SLC1A1: variants seen among roughly 807,000 people sequenced by gnomAD.
The protein encoded by SLC1A1 is solute carrier family 1 member 1.
In SLC1A1, 43 loss-of-function variants were observed where a neutral mutation model predicts 53.3. The observed-to-expected ratio is 0.81, with a 90% CI of 0.63 to 1.04. The LOEUF (loss-of-function observed/expected upper bound fraction) is 1.04. Among genes scored for constraint, SLC1A1 ranks in the 50% least tolerant of loss-of-function variants. The pLI is 0.00. For missense variants in SLC1A1, 748 were observed against 664.9 expected, an observed-to-expected ratio of 1.12 and a Z score of -1.37; for synonymous variants, 307 against 243.2, an observed-to-expected ratio of 1.26 and a Z score of -2.44.
At chr9:4,538,558 C>T (rs1412644841) in intron 1 of SLC1A1, among the ~76,000 whole-genome samples, 1 of 152,158 alleles carries the variant, frequency 6.6e-6, no homozygotes, top group Non-Finnish European at 1.5e-5. Context: ...AGAAACAATA[C>T]AACCTTGGAT....
chr9:4,584,197 T>C (rs1821379298), intron 11 of SLC1A1, among the ~76,000 whole-genome samples: 1 of 152,218 alleles, frequency 6.6e-6, no homozygotes, highest in African/African-American at 2.4e-5. Context: ...CCTATTGGGC[T>C]TGAAAACACA....
chr9:4,562,065 CTT>C (rs745615028), intron 3 of SLC1A1, among the ~76,000 whole-genome samples: 1,272 of 94,220 alleles, frequency 0.014, 30 homozygotes, highest in African/African-American at 0.043. Flanking sequence ...GCCCTAACTA[CTT>C]TTTTTTTTTT....
intron 5 of SLC1A1, among the ~76,000 whole-genome samples, chr9:4,567,353 C>G (rs3780413): frequency 0.58 from 88,411 of 152,100 alleles, 27,913 homozygotes; most frequent in East Asian, 0.73. Context: ...CTGTCTCTGA[C>G]AGCACCTGCA....
In SLC1A1 at chr9:4,549,333, G is replaced by A. The variant is rs748685028; in HGVS notation, c.232+4626G>A. On this transcript the variant is annotated intron_variant, in intron 2 of 11. Transcript: ENST00000262352. The surrounding 1 kb of genome is among the most constrained non-coding windows in gnomAD (Gnocchi z 4.1). ...CTACCCCGGTGACCTAAGGAGTTCC[G>A]CTCTTTGCTCCTCCATCCTAAGACA... Among the ~76,000 whole-genome samples the A allele has an allele frequency of 6.6e-6, 1 of 152,092 alleles. No homozygotes were observed. Among genetic ancestry groups the A allele is most frequent in the Non-Finnish European group, 1.5e-5 (1 of 68,018 alleles).
chr9:4,491,406 C>T (rs576228425), intron 1 of SLC1A1, among the ~76,000 whole-genome samples: 2 of 152,214 alleles, frequency 1.3e-5, no homozygotes, highest in African/African-American at 4.8e-5. Context: ...CTGTGGCCCG[C>T]GGGAGGTCAC....
At chr9:4,517,874 C>G (rs949384719) in intron 1 of SLC1A1, among the ~76,000 whole-genome samples, 1 of 152,050 alleles carries the variant, frequency 6.6e-6, no homozygotes, top group Non-Finnish European at 1.5e-5. Context: ...TAGCCTTGTA[C>G]GTTTGCAGTC....
chr9:4,574,053 G>A, intron 8 of SLC1A1, 39 bp downstream of exon 8: 1 of 1,306,160 alleles, frequency 7.7e-7, no homozygotes, highest in Non-Finnish European at 1.1e-6. Flanking sequence ...AACCTCCTTT[G>A]ATCTAATAGG....
intron 10 of SLC1A1, among the ~76,000 whole-genome samples, chr9:4,578,974 C>A (rs1455789159): frequency 6.6e-6 from 1 of 152,160 alleles, no homozygotes; most frequent in Admixed American, 6.5e-5. Context: ...ATTCTTGTGT[C>A]CCAGCCTAAA....
rs138665879 is a variant in SLC1A1 at position 4,586,778 on chromosome 9, G to C, written c.*1220G>C. 2.8e-4 allele frequency: 43 copies of C among 152,316 alleles called. No homozygotes were observed. The highest frequency in any genetic ancestry group is 1.0e-3 in the African/African-American group (42 of 41,572). The allele number at this position is 152,316 out of a possible 1,614,324, so 9.4% of individuals were successfully genotyped here. ...GCTTCCCCTAACCTGGGTTGTTGCAGAGTAAATCCCACGACATAAGCTGGT... is the reference window on the plus strand; with the variant it reads ...GCTTCCCCTAACCTGGGTTGTTGCACAGTAAATCCCACGACATAAGCTGGT... On this transcript the variant is annotated 3_prime_UTR_variant, in exon 12 of 12. Coordinates refer to ENST00000262352, the MANE Select transcript of SLC1A1 (RefSeq NM_004170.6).
chr9:4,519,776 T>C (rs1815999826), intron 1 of SLC1A1, among the ~76,000 whole-genome samples: 2 of 152,164 alleles, frequency 1.3e-5, no homozygotes, highest in African/African-American at 2.4e-5. Flanking sequence ...CATACTCAAC[T>C]CCAGATAGGT....
intron 1 of SLC1A1, among the ~76,000 whole-genome samples, chr9:4,542,375 T>C (rs1449869811): frequency 6.6e-6 from 1 of 152,204 alleles, no homozygotes; most frequent in Non-Finnish European, 1.5e-5. Context: ...AAAAATCCTG[T>C]ATCTGGCTAA....
At chr9:4,571,356 T>C (rs934881626) in intron 6 of SLC1A1, among the ~76,000 whole-genome samples, 29 of 152,080 alleles carry the variant, frequency 1.9e-4, no homozygotes, top group African/African-American at 6.8e-4. Flanking sequence ...CTGCACCACA[T>C]GTACCCCTGA....
At chr9:4,528,343 C>T (rs1230468055) in intron 1 of SLC1A1, among the ~76,000 whole-genome samples, 2 of 152,134 alleles carry the variant, frequency 1.3e-5, no homozygotes, top group African/African-American at 2.4e-5. Context: ...GAGGCCGAGG[C>T]AGGCAGATCA....
intron 11 of SLC1A1, among the ~76,000 whole-genome samples, chr9:4,584,238 C>A (rs530790337): frequency 6.6e-6 from 1 of 152,384 alleles, no homozygotes; most frequent in East Asian, 1.9e-4. Flanking sequence ...AAAGCCCCTG[C>A]ACCTGGCTTG....
rs193243654 is a variant in SLC1A1, at chr9:4,556,532, C to T, written c.233-4917C>T. Among the ~76,000 whole-genome samples, 40 of 152,248 alleles carry T rather than the reference C, an allele frequency of 2.6e-4. 1 individual carries two copies. The East Asian group carries it at 7.5e-3, about 29-fold the overall frequency. On this transcript the variant is annotated intron_variant, in intron 2 of 11. Transcript: ENST00000262352. The surrounding 1 kb of genome is among the most constrained non-coding windows in gnomAD (Gnocchi z 4.1). The stretch of plus-strand genomic sequence containing the variant: ...GAGGGGGTCCTTCAGACCTCGCCAG[C>T]CACCAAAGATGGCCTGAGAGCAAGA...
chr9:4,543,084 G>A (rs1156380829), intron 1 of SLC1A1, among the ~76,000 whole-genome samples: 3 of 152,176 alleles, frequency 2.0e-5, no homozygotes, highest in Non-Finnish European at 2.9e-5. Context: ...TGCATCTTGT[G>A]AGGTTCATCT....
At chr9:4,535,652 C>T (rs1436790538) in intron 1 of SLC1A1, among the ~76,000 whole-genome samples, 1 of 152,092 alleles carries the variant, frequency 6.6e-6, no homozygotes, top group Non-Finnish European at 1.5e-5. Flanking sequence ...TTTATAGATT[C>T]AATGCCATCC....
chr9:4,538,390 G>A (rs948817107), intron 1 of SLC1A1, among the ~76,000 whole-genome samples: 1 of 152,234 alleles, frequency 6.6e-6, no homozygotes, highest in Non-Finnish European at 1.5e-5. Flanking sequence ...AGGAGGCAAT[G>A]AGATATAAAA....
In SLC1A1 at chr9:4,503,216, C is replaced by G. The variant is rs1820693882; in HGVS notation, c.91+12446C>G. 1.3e-5 allele frequency among the ~76,000 whole-genome samples: 2 copies of G among 151,834 alleles called. 1 individual carries two copies. Among genetic ancestry groups the G allele is most frequent in the African/African-American group, 4.9e-5 (2 of 41,092 alleles). ...TTACAGTACTCTTCACTACTGAGCT[C>G]TGTCATGGCCTCAGAATCCTCGAAA... On this transcript the variant is annotated intron_variant, in intron 1 of 11. Coordinates refer to ENST00000262352, the MANE Select transcript of SLC1A1 (RefSeq NM_004170.6).
Sources: gnomAD v4.1 joint callset for allele counts (sites outside exome capture counted in the v4.1 genomes callset) on GRCh38, gnomAD v4.1.1 for gene constraint, Gnocchi (gnomAD v3.1) non-coding constraint, MANE v1.5 for transcripts, NCBI Gene and HGNC (gene_info 2026-07-23, HGNC 2026-07-21) for gene names.